DNAH5: variants seen among roughly 807,000 people sequenced by gnomAD.
DNAH5 encodes dynein axonemal heavy chain 5.
In DNAH5, 372 loss-of-function variants were observed where a neutral mutation model predicts 518.2. The ratio of observed to expected loss-of-function variants is 0.72; its 90% CI spans 0.66 to 0.78. The LOEUF (loss-of-function observed/expected upper bound fraction) is 0.78, where lower values mean the gene tolerates loss of function less well. Ranked by LOEUF, DNAH5 falls within the 30% of genes least tolerant of loss-of-function variation. DNAH5 has a pLI of 0.00. For missense variants in DNAH5, 5,523 were observed against 5,687.0 expected, an observed-to-expected ratio of 0.97 and a Z score of 0.93; for synonymous variants, 2,039 against 2,025.9, an observed-to-expected ratio of 1.01 and a Z score of -0.17.
In DNAH5 at chr5:13,809,147, A is replaced by G. The variant is rs371695477; in HGVS notation, c.7649T>C (p.Leu2550Pro). 2 of 1,614,210 alleles carry G rather than the reference A, an allele frequency of 1.2e-6. No homozygotes were observed. The highest frequency in any genetic ancestry group is 1.7e-6 in the Non-Finnish European group (2 of 1,180,036). The change falls in exon 46 of 79, where the codon CTG (leucine) becomes CCG (proline). Residue 2550 changes from leucine to proline, a missense_variant. Physicochemically the swap from Leu to Pro is moderately conservative, Grantham distance 98 (BLOSUM62 -3). Transcript: ENST00000265104. ...THWNTRTQEYLYPSDTTPEYG... is the reference protein window; with the variant it reads ...THWNTRTQEYPYPSDTTPEYG... ...CTCTGGGGTGGTATCAGACGGATAC[A>G]GGTATTCCTGGGTACGCGTGTTCCA...
At chr5:13,695,589 A>G (rs947127423) in intron 78 of DNAH5, among the ~76,000 whole-genome samples, 2 of 152,222 alleles carry the variant, frequency 1.3e-5, no homozygotes, top group Non-Finnish European at 2.9e-5. Context: ...TGATTCTCAT[A>G]CCAGCTTTCC....
At chr5:13,978,679 T>C (rs1782453900) in intron 1 of DNAH5, among the ~76,000 whole-genome samples, 1 of 152,180 alleles carries the variant, frequency 6.6e-6, no homozygotes, top group African/African-American at 2.4e-5. Flanking sequence ...CTCAGTACAG[T>C]AAGCTGCTGT....
intron 65 of DNAH5, among the ~76,000 whole-genome samples, chr5:13,748,468 G>A (rs1442968594): frequency 6.6e-6 from 1 of 152,126 alleles, no homozygotes; most frequent in Non-Finnish European, 1.5e-5. Flanking sequence ...ATTACTTTGG[G>A]CAGTATGGCC....
chr5:13,778,539 G>GAAGAAAGAAAGAAAGAAAGAAAGAAAGA lies in DNAH5; in HGVS notation c.8952-1212_8952-1185dup, dbSNP rs397996833. Among the ~76,000 whole-genome samples, 23 of 73,908 alleles carry GAAGAAAGAAAGAAAGAAAGAAAGAAAGA rather than the reference G, an allele frequency of 3.1e-4. 1 individual carries two copies. Among genetic ancestry groups the GAAGAAAGAAAGAAAGAAAGAAAGAAAGA allele is most frequent in the Admixed American group, 6.4e-4 (4 of 6,276 alleles). The allele number at this position is 73,908 out of a possible 152,430, so 48.5% of individuals were successfully genotyped here. A position where few individuals can be genotyped will look rare whatever the true frequency, so the allele number is the denominator to read the frequency against. ...GGGGAGAGAAAGTGAGAGAGAGAGAGAAGAAAGAAAGAAAGAAAGAAAGAA... is the reference window on the plus strand; with the variant it reads ...GGGGAGAGAAAGTGAGAGAGAGAGAGAAGAAAGAAAGAAAGAAAGAAAGAAAGAAAGAAAGAAAGAAAGAAAGAAAGAA... On this transcript the variant is annotated intron_variant, in intron 53 of 78. Coordinates refer to ENST00000265104, the MANE Select transcript of DNAH5 (RefSeq NM_001369.3).
intron 2 of DNAH5, among the ~76,000 whole-genome samples, chr5:13,930,747 C>T (rs1778332242): frequency 6.6e-6 from 1 of 152,192 alleles, no homozygotes; most frequent in Non-Finnish European, 1.5e-5. Context: ...GGCACAAATC[C>T]AGTGCCTAGA....
chr5:13,972,565 C>T (rs1047462242), intron 1 of DNAH5, among the ~76,000 whole-genome samples: 2 of 152,186 alleles, frequency 1.3e-5, no homozygotes, highest in African/African-American at 4.8e-5. Context: ...CAGTTCATCT[C>T]AGCTCTAGGT....
At chr5:13,711,243 A>G (rs1278863828) in intron 75 of DNAH5, among the ~76,000 whole-genome samples, 2 of 152,258 alleles carry the variant, frequency 1.3e-5, no homozygotes, top group Non-Finnish European at 2.9e-5. Context: ...GATACACCAC[A>G]TAAACAGAAT....
At chr5:13,764,583 A>T (rs1752246617) in intron 59 of DNAH5, among the ~76,000 whole-genome samples, 2 of 152,232 alleles carry the variant, frequency 1.3e-5, no homozygotes, top group South Asian at 4.1e-4. Context: ...AGCAACTTAT[A>T]CACTGCTGGT....
At chr5:13,860,065 C>G (rs1324247410) in intron 29 of DNAH5, among the ~76,000 whole-genome samples, 1 of 152,160 alleles carries the variant, frequency 6.6e-6, no homozygotes, top group Non-Finnish European at 1.5e-5. Flanking sequence ...GGACTCTCTC[C>G]TTAGCCTCCC....
chr5:13,802,548 G>C (rs928775957), intron 47 of DNAH5, among the ~76,000 whole-genome samples: 2 of 152,224 alleles, frequency 1.3e-5, no homozygotes, highest in Non-Finnish European at 2.9e-5. Context: ...ACAGCATTGA[G>C]ATTCTGCCAT....
At chr5:13,794,793 G>T (rs1338612100) in intron 47 of DNAH5, among the ~76,000 whole-genome samples, 3 of 151,956 alleles carry the variant, frequency 2.0e-5, no homozygotes, top group African/African-American at 7.3e-5. Context: ...GTGAAACCCT[G>T]TCTCTACTAA....
chr5:13,981,124 C>A (rs888772428), intron 1 of DNAH5, among the ~76,000 whole-genome samples: 1 of 152,180 alleles, frequency 6.6e-6, no homozygotes, highest in Admixed American at 6.5e-5. Context: ...TACATATTAT[C>A]CCCACTAGAA....
chr5:13,990,324 G>A (rs1476735488), intron 1 of DNAH5, among the ~76,000 whole-genome samples: 1 of 151,916 alleles, frequency 6.6e-6, no homozygotes. Context: ...AGGCCGAGGC[G>A]GGTGGTTCAC....
At position 13,898,927 on chromosome 5, in the gene DNAH5, T is replaced by C. The variant is rs192621644; in HGVS notation, c.2259+1279A>G. The C allele has an allele frequency of 1.7e-3, 445 of 259,398 alleles. 3 individuals are homozygous for C. Among genetic ancestry groups the C allele is most frequent in the South Asian group, 0.015 (87 of 5,780 alleles). The allele number at this position is 259,398 out of a possible 1,614,324, so 16.1% of individuals were successfully genotyped here. A position where few individuals can be genotyped will look rare whatever the true frequency, so the allele number is the denominator to read the frequency against. ...TCATACCCTTGGCTTCCTTTTTTTGTTGTTTTTTGTTTGTTTGTTTTTTGA... is the reference window on the plus strand; with the variant it reads ...TCATACCCTTGGCTTCCTTTTTTTGCTGTTTTTTGTTTGTTTGTTTTTTGA... On this transcript the variant is annotated intron_variant, in intron 15 of 78. Transcript: ENST00000265104.
In DNAH5 at chr5:13,866,008, T is replaced by A. The variant is rs145358258; in HGVS notation, c.4117-102A>T. The A allele has an allele frequency of 3.2e-4, 299 of 947,080 alleles. 2 individuals are homozygous for A. The African/African-American group carries it at 3.9e-3, about 12-fold the overall frequency. The allele number at this position is 947,080 out of a possible 1,614,324, so 58.7% of individuals were successfully genotyped here. On this transcript the variant is annotated intron_variant, in intron 26 of 78. Coordinates refer to ENST00000265104, the MANE Select transcript of DNAH5 (RefSeq NM_001369.3). ...AAACAAGCAAGCCAGAGATGTATGA[T>A]CTCTGGGCACATGTAAATAGGAATA...
chr5:13,863,333 C>T (rs2151907048), intron 28 of DNAH5, among the ~76,000 whole-genome samples: 1 of 152,268 alleles, frequency 6.6e-6, no homozygotes, highest in African/African-American at 2.4e-5. Context: ...CATCCATTTG[C>T]CTACTGAACT....
chr5:13,841,584 A>G, intron 33 of DNAH5, 108 bp downstream of exon 33: 5 of 832,600 alleles, frequency 6.0e-6, no homozygotes, highest in Non-Finnish European at 9.9e-6. Flanking sequence ...AAATCTTAAT[A>G]CTGGTCTAGA....
At position 13,778,487 on chromosome 5, in the gene DNAH5, GA is replaced by G. The variant is rs1298616540; in HGVS notation, c.8952-1133del. Among the ~76,000 whole-genome samples the G allele has an allele frequency of 8.8e-3, 869 of 99,144 alleles. 21 individuals carry two copies. Among genetic ancestry groups the G allele is most frequent in the Middle Eastern group, 0.045 (10 of 220 alleles). 65.0% of individuals were successfully genotyped at this position (99,144 alleles called of 152,430 possible). ...AGAGAGAAGGAAGGAAAGAAGGAAGGAAGGAAGGAAGGGAGGGAGGGAGGGA... is the reference window on the plus strand; with the variant it reads ...AGAGAGAAGGAAGGAAAGAAGGAAGGAGGAAGGAAGGGAGGGAGGGAGGGA... On this transcript the variant is annotated intron_variant, in intron 53 of 78. Transcript: ENST00000265104.
chr5:13,922,626 C>T (rs1324640781), intron 4 of DNAH5, among the ~76,000 whole-genome samples: 1 of 150,874 alleles, frequency 6.6e-6, no homozygotes, highest in Admixed American at 6.6e-5. Flanking sequence ...ACTCAGGAGG[C>T]TGAGGCAGGA....
Sources: gnomAD v4.1 joint callset for allele counts (sites outside exome capture counted in the v4.1 genomes callset) on GRCh38, gnomAD v4.1.1 for gene constraint, MANE v1.5 for transcripts, NCBI Gene and HGNC (gene_info 2026-07-23, HGNC 2026-07-21) for gene names.